CMC4: variants seen among roughly 807,000 people sequenced by gnomAD.
CMC4 encodes cx9C motif-containing protein 4.
In CMC4, 4 loss-of-function variants were observed where a neutral mutation model predicts 5.1. That is an observed-to-expected ratio of 0.78 (90% confidence interval 0.38 to 1.78). The LOEUF is 1.78. Among genes scored for constraint, CMC4 ranks in the 40% most tolerant of loss-of-function variants. The probability of loss-of-function intolerance (pLI) is 0.04; values close to 1 mark genes in which losing one functional copy is unlikely to be tolerated. For synonymous variants in CMC4, 23 were observed against 18.9 expected (o/e 1.22, Z -0.57); for missense variants, 52 against 51.3 (o/e 1.01, Z -0.04).
In CMC4 at chrX:155,062,966, C is replaced by T. The variant is rs1446731134; in HGVS notation, c.59-975G>A. Among the ~76,000 whole-genome samples the T allele has an allele frequency of 2.7e-5, 3 of 111,775 alleles. No individual in the cohort carries two copies. In the East Asian group the frequency reaches 8.3e-4, roughly 31 times the overall value. ...TTTAGTCTTTCCAGTTCTTAATCCT[C>T]CCACACTGCCAAGGGGGTGTCACCA... On this transcript the variant is annotated intron_variant, in intron 2 of 2. Transcript: ENST00000369484.
chrX:155,068,437 C>T (rs1232994702), intron 1 of CMC4, among the ~76,000 whole-genome samples: 1 of 112,084 alleles, frequency 8.9e-6, no homozygotes, highest in Non-Finnish European at 1.9e-5. Flanking sequence ...GCACAGTATC[C>T]TGGAATTGTG....
intron 2 of CMC4, among the ~76,000 whole-genome samples, chrX:155,062,573 T>A (rs782578382): frequency 2.7e-5 from 3 of 112,190 alleles, no homozygotes; most frequent in African/African-American, 9.7e-5. Flanking sequence ...CATTTGCAGA[T>A]CCCTACTATA....
intron 1 of CMC4, chrX:155,066,083 G>A: frequency 1.2e-6 from 1 of 865,252 alleles, no homozygotes; most frequent in South Asian, 2.2e-5. Flanking sequence ...ACAGGACACA[G>A]GTGTGACTTT....
In CMC4 at chrX:155,065,564, G is replaced by A. The variant is rs1177538695; in HGVS notation, c.-10-1531C>T. On this transcript the variant is annotated intron_variant, in intron 1 of 2. Coordinates refer to ENST00000369484, the MANE Select transcript of CMC4 (RefSeq NM_001018024.3). ...TGTCAGAAAAAGAAAAGTTTATGGA[G>A]TACTCTGTTACGAGAGTCCCAGTAC... 5 of 1,207,840 alleles carry A rather than the reference G, an allele frequency of 4.1e-6. No individual in the cohort carries two copies. In the African/African-American group the frequency reaches 7.0e-5, roughly 17 times the overall value.
In CMC4 at chrX:155,061,886, T is replaced by A. The variant is rs782513808; in HGVS notation, c.164A>T (p.Lys55Ile). Residue 55 changes from lysine to isoleucine, a missense_variant, in exon 3 of 3, where the codon AAA (lysine) becomes ATA (isoleucine). Transcript: ENST00000369484. Reference sequence around the variant, plus strand: ...CCGTGTTAGGTTTTCTTCCTCTTCTTTTTCAAATCCTGAACAGACGACAGA... The same window carrying A: ...CCGTGTTAGGTTTTCTTCCTCTTCTATTTCAAATCCTGAACAGACGACAGA... ...GRSVVCSGFEKEEEENLTRKS... is the reference protein window; with the variant it reads ...GRSVVCSGFEIEEEENLTRKS... 1 of 1,209,739 alleles carries A rather than the reference T, an allele frequency of 8.3e-7. No homozygotes were observed. The highest frequency in any genetic ancestry group is 1.1e-6 in the Non-Finnish European group (1 of 894,977).
At chrX:155,063,115 T>C (rs782079368) in intron 2 of CMC4, among the ~76,000 whole-genome samples, 1 of 112,304 alleles carries the variant, frequency 8.9e-6, no homozygotes, top group African/African-American at 3.2e-5. Context: ...AGGGAAGAAG[T>C]TTGACTAAAA....
intron 1 of CMC4, among the ~76,000 whole-genome samples, chrX:155,067,591 C>A (rs1207916539): frequency 8.9e-6 from 1 of 112,257 alleles, no homozygotes; most frequent in African/African-American, 3.2e-5. Context: ...CAGGTGCCTG[C>A]CTCCTCTATG....
chrX:155,069,692 T>C (rs1421112285), intron 1 of CMC4, among the ~76,000 whole-genome samples: 2 of 111,959 alleles, frequency 1.8e-5, no homozygotes, highest in Non-Finnish European at 3.8e-5. Context: ...TAGCATATAA[T>C]AAGCTTGCCA....
chrX:155,070,379 G>C (rs1557292352), intron 1 of CMC4, among the ~76,000 whole-genome samples: 1 of 112,087 alleles, frequency 8.9e-6, no homozygotes, highest in African/African-American at 3.2e-5. Context: ...ATCCACGTGT[G>C]ATTCCTAGAC....
At chrX:155,064,292 A>G (rs1470467712) in intron 1 of CMC4, 2 of 216,045 alleles carry the variant, frequency 9.3e-6, no homozygotes, top group African/African-American at 5.7e-5. Flanking sequence ...AATACTGTAA[A>G]CCAACGTTAG....
At chrX:155,067,032 G>A (rs1557292075) in intron 1 of CMC4, among the ~76,000 whole-genome samples, 1 of 112,026 alleles carries the variant, frequency 8.9e-6, no homozygotes, top group Non-Finnish European at 1.9e-5. Context: ...GCATTATAGC[G>A]CAGTTGTACT....
chrX:155,061,678 GTCTTTTAATGT>G lies in CMC4; in HGVS notation c.*154_*164del. 2.0e-6 allele frequency: 1 copy of G among 512,159 alleles called. No homozygotes were observed. The highest frequency in any genetic ancestry group is 3.1e-6 in the Non-Finnish European group (1 of 326,667). 42.2% of individuals were successfully genotyped at this position (512,159 alleles called of 1,213,427 possible). A position where few individuals can be genotyped will look rare whatever the true frequency, so the allele number is the denominator to read the frequency against. ...TCAGTATATTACATTCTACATATTTGTCTTTTAATGTGTTTATATTTCTGCCTGTTCTGCAT... is the reference window on the plus strand; with the variant it reads ...TCAGTATATTACATTCTACATATTTGGTTTATATTTCTGCCTGTTCTGCAT... On this transcript the variant is annotated 3_prime_UTR_variant, in exon 3 of 3. Coordinates refer to ENST00000369484, the MANE Select transcript of CMC4 (RefSeq NM_001018024.3).
intron 1 of CMC4, among the ~76,000 whole-genome samples, chrX:155,067,809 T>C (rs2073954404): frequency 8.9e-6 from 1 of 112,122 alleles, no homozygotes. Context: ...CAGGTGTATA[T>C]GTATGGTGGG....
intron 1 of CMC4, 34 bp from the exon 2 acceptor site, chrX:155,064,067 T>C: frequency 8.8e-7 from 1 of 1,131,982 alleles, no homozygotes. Context: ...ATTTTTCTTT[T>C]TTCCATAAAG....
intron 1 of CMC4, among the ~76,000 whole-genome samples, chrX:155,070,000 A>AG (rs1386987730): frequency 8.9e-6 from 1 of 112,421 alleles, no homozygotes; most frequent in Non-Finnish European, 1.9e-5. Context: ...AAATTTAGAC[A>AG]GGTCCAATGT....
intron 2 of CMC4, among the ~76,000 whole-genome samples, chrX:155,063,760 CTA>C (rs1484744839): frequency 1.8e-5 from 2 of 111,711 alleles, no homozygotes; most frequent in Non-Finnish European, 3.8e-5. Context: ...CCAGGTGATG[CTA>C]ATCACCTGGA....
At chrX:155,069,564 G>A (rs1356171611) in intron 1 of CMC4, among the ~76,000 whole-genome samples, 1 of 112,420 alleles carries the variant, frequency 8.9e-6, no homozygotes, top group East Asian at 2.8e-4. Context: ...TAAAGGTGAG[G>A]AAAAGAAAGG....
At chrX:155,069,050 C>G (rs1389014785) in intron 1 of CMC4, among the ~76,000 whole-genome samples, 1 of 112,585 alleles carries the variant, frequency 8.9e-6, no homozygotes, top group African/African-American at 3.2e-5. Flanking sequence ...CTGGCCAAGA[C>G]AGACAATTTC....
rs1243399613 is a variant in CMC4, at chrX:155,070,825, G to C, written c.-142C>G. 1 of 112,860 alleles carries C rather than the reference G, an allele frequency of 8.9e-6. No individual in the cohort carries two copies. 9.3% of individuals were successfully genotyped at this position (112,860 alleles called of 1,213,427 possible). A position where few individuals can be genotyped will look rare whatever the true frequency, so the allele number is the denominator to read the frequency against. ...CCGGGGTGAGCCGAGGGGCATCCCG[G>C]GCCGAGGTCACTCGAACCGAAGTTA... On this transcript the variant is annotated 5_prime_UTR_variant, in exon 1 of 3. Coordinates refer to ENST00000369484, the MANE Select transcript of CMC4 (RefSeq NM_001018024.3).
Sources: gnomAD v4.1 joint callset for allele counts (sites outside exome capture counted in the v4.1 genomes callset) on GRCh38, gnomAD v4.1.1 for gene constraint, MANE v1.5 for transcripts, NCBI Gene and HGNC (gene_info 2026-07-23, HGNC 2026-07-21) for gene names.